CELF1: variants seen among roughly 807,000 people sequenced by gnomAD.
CELF1 encodes 50 kDa nuclear polyadenylated RNA-binding protein.
Under a neutral mutation model 61.8 loss-of-function variants are expected in CELF1, and 10 were observed. The observed-to-expected ratio is 0.16, with a 90% CI of 0.10 to 0.27. The LOEUF (loss-of-function observed/expected upper bound fraction) is 0.27. Ranked by LOEUF, CELF1 falls within the 10% of genes least tolerant of loss-of-function variation. The pLI, the probability that CELF1 is intolerant of heterozygous loss-of-function variation, is 1.00. For missense variants in CELF1, 380 were observed against 639.1 expected (o/e 0.59, Z 4.37); for synonymous variants, 236 against 225.1 (o/e 1.05, Z -0.43).
chr11:47,496,074 A>G, intron 3 of CELF1: 1 of 843,242 alleles, frequency 1.2e-6, no homozygotes, highest in Non-Finnish European at 1.4e-6. Context: ...GTGCGTGAGA[A>G]TAAAAAGGGC....
intron 1 of CELF1, among the ~76,000 whole-genome samples, chr11:47,501,187 T>C (rs2093846614): frequency 6.6e-6 from 1 of 152,222 alleles, no homozygotes; most frequent in Non-Finnish European, 1.5e-5. Flanking sequence ...CTCGCTCATC[T>C]GATTTACTAC....
At chr11:47,552,225 A>C (rs1460899041) in intron 1 of CELF1, among the ~76,000 whole-genome samples, 2 of 152,114 alleles carry the variant, frequency 1.3e-5, no homozygotes, top group Non-Finnish European at 2.9e-5. Flanking sequence ...ATTCCCCTCA[A>C]CTATGGGTAT....
chr11:47,541,727 AAC>A (rs2096791895), intron 1 of CELF1, among the ~76,000 whole-genome samples: 1 of 7,696 alleles, frequency 1.3e-4, no homozygotes, highest in African/African-American at 3.0e-4. Flanking sequence ...AGAAAGAAAG[AAC>A]GAAAGAAAGA....
intron 1 of CELF1, among the ~76,000 whole-genome samples, chr11:47,549,644 T>C (rs112168260): frequency 2.6e-5 from 4 of 152,192 alleles, no homozygotes; most frequent in African/African-American, 9.6e-5. Flanking sequence ...ACAGAAATAA[T>C]GGTGGTTACC....
chr11:47,489,755 C>T (rs897996752), intron 3 of CELF1, among the ~76,000 whole-genome samples: 5 of 152,128 alleles, frequency 3.3e-5, no homozygotes, highest in Non-Finnish European at 4.4e-5. Flanking sequence ...ACCATTTTAA[C>T]GATCCCAAGT....
chr11:47,495,921 A>T, intron 3 of CELF1: 2 of 945,394 alleles, frequency 2.1e-6, no homozygotes, highest in African/African-American at 3.5e-5. Flanking sequence ...ATTATACAAA[A>T]AGAAAAAATT....
At chr11:47,473,789 C>A (rs775253084) in intron 13 of CELF1, among the ~76,000 whole-genome samples, 3 of 152,200 alleles carry the variant, frequency 2.0e-5, no homozygotes, top group Non-Finnish European at 4.4e-5. Context: ...TGAGTTTCAT[C>A]ATATGTAAAT....
chr11:47,560,999 G>A (rs896892525), intron 2 of CELF1, among the ~76,000 whole-genome samples: 19 of 151,600 alleles, frequency 1.3e-4, no homozygotes, highest in South Asian at 2.1e-4. Flanking sequence ...TTAGCCGGGC[G>A]TGGTGGTGGG....
intron 3 of CELF1, among the ~76,000 whole-genome samples, chr11:47,491,660 T>C (rs1462588688): frequency 6.6e-6 from 1 of 152,198 alleles, no homozygotes; most frequent in African/African-American, 2.4e-5. Context: ...AATTTCCACC[T>C]TCGTTGTGGA....
intron 4 of CELF1, 103 bp from the exon 5 acceptor site, chr11:47,487,344 T>C: frequency 1.3e-6 from 1 of 787,840 alleles, no homozygotes; most frequent in Non-Finnish European, 2.0e-6. Flanking sequence ...AGGGCTGGGT[T>C]TATTAAAATT....
intron 1 of CELF1, among the ~76,000 whole-genome samples, chr11:47,546,734 T>C (rs903622652): frequency 6.6e-6 from 1 of 152,100 alleles, no homozygotes; most frequent in African/African-American, 2.4e-5. Context: ...TGTCAATTCT[T>C]ATCCTCTTCA....
intron 3 of CELF1, among the ~76,000 whole-genome samples, chr11:47,496,990 A>G (rs781756085): frequency 1.5e-4 from 23 of 152,190 alleles, no homozygotes; most frequent in Non-Finnish European, 3.1e-4. Context: ...TCTTGCATAA[A>G]CTAGTACCTA....
chr11:47,485,552 C>T (rs2086245514), intron 6 of CELF1, among the ~76,000 whole-genome samples: 1 of 151,694 alleles, frequency 6.6e-6, no homozygotes, highest in Non-Finnish European at 1.5e-5. Flanking sequence ...AGAGAATACA[C>T]CTTTCAGTGA....
At chr11:47,489,935 G>GTTTTCTTTTTTTTTTTTTTT (rs2090221098) in intron 3 of CELF1, among the ~76,000 whole-genome samples, 1 of 48,226 alleles carries the variant, frequency 2.1e-5, no homozygotes, top group Non-Finnish European at 3.9e-5. Flanking sequence ...ATACCATCTT[G>GTTTTCTTTTTTTTTTTTTTT]TTTTTTTTTT....
chr11:47,487,461 C>T (rs1596498680), intron 4 of CELF1, among the ~76,000 whole-genome samples: 1 of 152,186 alleles, frequency 6.6e-6, no homozygotes, highest in Non-Finnish European at 1.5e-5. Flanking sequence ...TAGTTAGTTA[C>T]ACTATAAGTC....
chr11:47,513,258 T>C (rs1306938090), intron 1 of CELF1, among the ~76,000 whole-genome samples: 1 of 152,256 alleles, frequency 6.6e-6, no homozygotes, highest in Non-Finnish European at 1.5e-5. Context: ...TTCTCATTTA[T>C]ATTCATATCC....
chr11:47,512,270 A>T (rs2095253062), intron 1 of CELF1, among the ~76,000 whole-genome samples: 1 of 152,038 alleles, frequency 6.6e-6, no homozygotes, highest in African/African-American at 2.4e-5. Flanking sequence ...CTCCTGCCTC[A>T]ACCTCCTGAG....
chr11:47,505,749 G>C (rs1251995538), intron 1 of CELF1, among the ~76,000 whole-genome samples: 1 of 149,674 alleles, frequency 6.7e-6, no homozygotes, highest in East Asian at 1.9e-4. Flanking sequence ...TCAGGAGTTC[G>C]AGACCTGTCT....
At chr11:47,488,652 T>C (rs900850075) in intron 4 of CELF1, among the ~76,000 whole-genome samples, 185 bp downstream of exon 4, 3 of 152,152 alleles carry the variant, frequency 2.0e-5, no homozygotes, top group Admixed American at 6.5e-5. Flanking sequence ...ATTACTACTA[T>C]AAAAGGACAG....
Sources: allele counts gnomAD v4.1 joint callset (sites outside exome capture counted in the v4.1 genomes callset), GRCh38; gene constraint gnomAD v4.1.1; transcripts MANE v1.5; gene names NCBI Gene and HGNC (gene_info 2026-07-23, HGNC 2026-07-21).